SHPRH: variants seen among roughly 807,000 people sequenced by gnomAD.
SHPRH encodes the protein SNF2 histone linker PHD RING helicase, also known as E3 ubiquitin-protein ligase SHPRH.
Under a neutral mutation model 202.5 loss-of-function variants are expected in SHPRH, and 106 were observed. The ratio of observed to expected loss-of-function variants is 0.52; its 90% CI spans 0.45 to 0.62. The LOEUF (loss-of-function observed/expected upper bound fraction) is 0.62. SHPRH is among the 20% of genes least tolerant of loss of function. SHPRH has a pLI of 0.00. For missense variants in SHPRH, 1,710 were observed against 2,020.0 expected (o/e 0.85, Z 2.94); for synonymous variants, 729 against 686.0 (o/e 1.06, Z -0.98).
intron 26 of SHPRH, among the ~76,000 whole-genome samples, chr6:145,894,679 C>A (rs895378189): frequency 1.3e-5 from 2 of 151,840 alleles, no homozygotes; most frequent in African/African-American, 4.8e-5. Flanking sequence ...AATAAAAAGT[C>A]ATGAAATATA....
intron 14 of SHPRH, among the ~76,000 whole-genome samples, chr6:145,929,785 C>T (rs531534465): frequency 4.6e-5 from 7 of 152,020 alleles, no homozygotes; most frequent in Middle Eastern, 3.4e-3. Flanking sequence ...CAATTTAACA[C>T]GAATATATAA....
rs117586623 is a variant in SHPRH, at chr6:145,954,847, T to G, written c.476A>C (p.Asp159Ala). 5,130 of 1,613,852 alleles carry G rather than the reference T, an allele frequency of 3.2e-3. 119 individuals carry two copies. In the East Asian group the frequency reaches 0.065, roughly 20 times the overall value. The change falls in exon 2 of 30, where the codon GAT becomes GCT. Residue 159 changes from aspartate to alanine, a missense_variant. Asp to Ala is a moderately radical substitution (Grantham distance 126). Coordinates refer to ENST00000275233, the MANE Select transcript of SHPRH (RefSeq NM_001042683.3). ...CGGTTCTTTTTTTTGTTTCTCTACA[T>G]CTTCACCTTTTGAATGAACATAAAT... ...FLIYVHSKGE[D>A]VEKQKKEPMS...
chr6:145,870,170 G>A (rs898832026), intron 2 of SHPRH, among the ~76,000 whole-genome samples: 4 of 151,260 alleles, frequency 2.6e-5, no homozygotes, highest in Admixed American at 2.0e-4. Flanking sequence ...ATATAGAAAA[G>A]CAATAGAATT....
At chr6:145,957,431 A>G (rs1004344911) in intron 1 of SHPRH, among the ~76,000 whole-genome samples, 2 of 152,176 alleles carry the variant, frequency 1.3e-5, no homozygotes, top group African/African-American at 4.8e-5. Flanking sequence ...CAAGTCACAG[A>G]TGGGAGAAAA....
At chr6:145,946,507 T>A (rs1787390188) in intron 6 of SHPRH, among the ~76,000 whole-genome samples, 166 bp from the exon 7 acceptor site, 1 of 152,016 alleles carries the variant, frequency 6.6e-6, no homozygotes, top group Non-Finnish European at 1.5e-5. Context: ...TATTTCTGAG[T>A]TTACAGCTAG....
chr6:145,905,144 T>C (rs1443757421), intron 25 of SHPRH: 2 of 152,130 alleles, frequency 1.3e-5, no homozygotes, highest in Non-Finnish European at 2.9e-5. Flanking sequence ...CTGTGATGCA[T>C]GCTGTCACCT....
At chr6:145,947,015 T>A (rs1315472918) in intron 6 of SHPRH, among the ~76,000 whole-genome samples, 1 of 152,104 alleles carries the variant, frequency 6.6e-6, no homozygotes, top group African/African-American at 2.4e-5. Context: ...AACACAATTA[T>A]GTATTTTGGG....
Position 145,943,307 on chromosome 6 carries a change from C to G in SHPRH, c.2074G>C (p.Asp692His), listed in dbSNP as rs1193052747. The change falls in exon 9 of 30, where the codon GAT becomes CAT. Residue 692 changes from aspartate (D) to histidine (H), a missense_variant. By Grantham distance (81) the Asp-to-His change is moderately conservative. Transcript: ENST00000275233. ...LWQHAKCVNY[D>H]EKNLKIKPFY... ...GGCTTGATCTTCAGATTTTTCTCAT[C>G]ATAATTCACACACTTTGCATGTTGC... The G allele has an allele frequency of 1.9e-6, 3 of 1,613,672 alleles. No homozygotes were observed. In the South Asian group the frequency reaches 3.3e-5, roughly 18 times the overall value.
chr6:145,892,978 C>T (rs1250008297), intron 28 of SHPRH, among the ~76,000 whole-genome samples: 1 of 151,360 alleles, frequency 6.6e-6, no homozygotes, highest in Non-Finnish European at 1.5e-5. Flanking sequence ...AAAATTGGGA[C>T]AATTTGGGGG....
At chr6:145,904,288 A>G (rs1782753908) in intron 25 of SHPRH, 1 of 152,098 alleles carries the variant, frequency 6.6e-6, no homozygotes, top group Non-Finnish European at 1.5e-5. Context: ...CATTTCAATT[A>G]AATAAAAAAT....
chr6:145,945,396 A>G lies in SHPRH; in HGVS notation c.1563T>C (p.Asp521=). The G allele has an allele frequency of 1.2e-6, 2 of 1,606,432 alleles. No individual in the cohort carries two copies. Among genetic ancestry groups the G allele is most frequent in the Admixed American group, 1.7e-5 (1 of 58,010 alleles). Residue 521 remains aspartate, a synonymous_variant, in exon 8 of 30, where the codon GAT becomes GAC. Transcript: ENST00000275233. The stretch of plus-strand genomic sequence containing the variant: ...GCTCTGTTACCTGCTTTTTTGTTTT[A>G]TCACATATATCCTCTTCCTTGTAAT... ...GKNYKEEDIC[D]KTKKQAVGSP... is the part of the protein sequence containing the mutation.
chr6:145,945,095 T>C (rs552072314), intron 8 of SHPRH, among the ~76,000 whole-genome samples: 1 of 152,122 alleles, frequency 6.6e-6, no homozygotes, highest in Non-Finnish European at 1.5e-5. Flanking sequence ...TGCTTTATAC[T>C]CTATAATACG....
chr6:145,904,395 T>G (rs968757360), intron 25 of SHPRH: 3 of 152,082 alleles, frequency 2.0e-5, no homozygotes, highest in Non-Finnish European at 2.9e-5. Flanking sequence ...ACTAGTAGTT[T>G]CTAAAATTTG....
chr6:145,894,468 TAAAC>T (rs751429868), intron 26 of SHPRH, among the ~76,000 whole-genome samples: 22 of 150,424 alleles, frequency 1.5e-4, no homozygotes, highest in African/African-American at 2.7e-4. Flanking sequence ...GTAATTAAGA[TAAAC>T]AAACAGTAGA....
chr6:145,894,985 C>T lies in SHPRH; in HGVS notation c.4516-8G>A. 6.2e-7 allele frequency: 1 copy of T among 1,609,928 alleles called. No individual in the cohort carries two copies. On this transcript the variant is annotated splice_polypyrimidine_tract_variant and splice_region_variant and intron_variant, in intron 25 of 29. Transcript: ENST00000275233. ...TTTTGTAGAATGGCTGCCCTTTGAA[C>T]ACACACACAAAATACACATTACTAC...
Position 145,943,780 on chromosome 6 carries a change from A to G in SHPRH, c.1601T>C (p.Ile534Thr). 1.3e-6 allele frequency: 2 copies of G among 1,586,616 alleles called. No homozygotes were observed. The highest frequency in any genetic ancestry group is 8.5e-7 in the Non-Finnish European group (1 of 1,171,504). Residue 534 changes from isoleucine to threonine, a missense_variant, in exon 9 of 30, where the codon ATT becomes ACT. Transcript: ENST00000275233. ...KKQAVGSPRK[I>T]QKETRKSGNK... The stretch of plus-strand genomic sequence containing the variant: ...CCCTGATTTTCTAGTTTCTTTCTGA[A>G]TTTTCCTTGGACTCCCTACTGCCTA...
At chr6:145,872,904 G>A (rs1001227630) in intron 2 of SHPRH, among the ~76,000 whole-genome samples, 1 of 152,154 alleles carries the variant, frequency 6.6e-6, no homozygotes, top group Non-Finnish European at 1.5e-5. Context: ...GGAGCTGGAG[G>A]CCATCATCCT....
intron 11 of SHPRH, among the ~76,000 whole-genome samples, chr6:145,937,841 G>C (rs545941521): frequency 6.6e-6 from 1 of 152,086 alleles, no homozygotes; most frequent in Non-Finnish European, 1.5e-5. Context: ...TAATGTTTCA[G>C]ATCACAGCTC....
chr6:145,922,497 T>A, intron 19 of SHPRH, 149 bp from the exon 20 acceptor site: 2 of 1,236,338 alleles, frequency 1.6e-6, no homozygotes, highest in Non-Finnish European at 2.2e-6. Context: ...TCATACCTTG[T>A]CCTTGAGACT....
Sources: gnomAD v4.1 joint callset for allele counts (sites outside exome capture counted in the v4.1 genomes callset) on GRCh38, gnomAD v4.1.1 for gene constraint, MANE v1.5 for transcripts, NCBI Gene and HGNC (gene_info 2026-07-23, HGNC 2026-07-21) for gene names.